The following SCN4A variants were observed in gnomAD, a reference collection of about 807,000 sequenced individuals.
SCN4A encodes sodium voltage-gated channel alpha subunit 4.
A neutral mutation model predicts 162.0 loss-of-function variants in SCN4A; 83 were observed. That is an observed-to-expected ratio of 0.51 (90% confidence interval 0.43 to 0.61). The LOEUF is 0.61. Ranked by LOEUF, SCN4A falls within the 20% of genes least tolerant of loss-of-function variation. The pLI is 0.00. For missense variants in SCN4A, 2,196 were observed against 2,462.5 expected (o/e 0.89, Z 2.29); for synonymous variants, 944 against 985.1 (o/e 0.96, Z 0.78).
Position 63,951,396 on chromosome 17 carries a change from G to A in SCN4A, c.2853+28C>T. On this transcript the variant is annotated intron_variant, in intron 14 of 23. Transcript: ENST00000435607. The surrounding 1 kb of genome is among the most constrained non-coding windows in gnomAD (Gnocchi z 4.5). ...AGGTCACAGGAGAATTTGAAGCCGG[G>A]TCTGTCTGAGCCCCAGCCCCGGCTC... 6.8e-7 allele frequency: 1 copy of A among 1,478,712 alleles called. No individual in the cohort carries two copies. Among genetic ancestry groups the A allele is most frequent in the Non-Finnish European group, 9.2e-7 (1 of 1,090,372 alleles). The allele number at this position is 1,478,712 out of a possible 1,614,324, so 91.6% of individuals were successfully genotyped here. A position where few individuals can be genotyped will look rare whatever the true frequency, so the allele number is the denominator to read the frequency against.
rs1198560288 is a variant in SCN4A at position 63,947,068 on chromosome 17, G to A, written c.3418C>T (p.Leu1140=). ...ACCCTCATGCCCTCGAATCGGGACA[G>A]TGCCCTCAGGGGACGCAGGGCCCGC... is the stretch of plus-strand genomic sequence containing the variant. ...TLRALRPLRA[L]SRFEGMRVVV... The change falls in exon 18 of 24, where the codon CTG becomes TTG. Residue 1140 remains leucine (L), a synonymous_variant. Coordinates refer to ENST00000435607, the MANE Select transcript of SCN4A (RefSeq NM_000334.4). 7.0e-7 allele frequency: 1 copy of A among 1,430,196 alleles called. No homozygotes were observed. Among genetic ancestry groups the A allele is most frequent in the Non-Finnish European group, 9.4e-7 (1 of 1,064,356 alleles). The allele number at this position is 1,430,196 out of a possible 1,614,324, so 88.6% of individuals were successfully genotyped here.
intron 13 of SCN4A, among the ~76,000 whole-genome samples, chr17:63,952,212 G>A (rs970993121): frequency 6.8e-6 from 1 of 147,922 alleles, no homozygotes; most frequent in African/African-American, 2.5e-5. Context: ...TTTTTTTTTC[G>A]AGATGGAGGA....
rs863225046 is a variant in SCN4A, at chr17:63,941,912, C to T, written c.4370G>A (p.Arg1457His). ...FRVIRLARIG[R>H]VLRLIRGAKG... The stretch of plus-strand genomic sequence containing the variant: ...GGCCCCGCGGATCAGCCGCAGGACA[C>T]GCCCAATCCGCGCCAGGCGGATCAC... Residue 1457 changes from arginine to histidine, a missense_variant, in exon 24 of 24, where the codon CGT becomes CAT. Physicochemically the swap from Arg to His is conservative, Grantham distance 29 (BLOSUM62 0). Transcript: ENST00000435607. The surrounding 1 kb of genome is among the most constrained non-coding windows in gnomAD (Gnocchi z 6.2). 7 of 1,611,702 alleles carry T rather than the reference C, an allele frequency of 4.3e-6. No individual in the cohort carries two copies. Among genetic ancestry groups the T allele is most frequent in the East Asian group, 2.2e-5 (1 of 44,838 alleles).
At chr17:63,961,495 C>T in intron 10 of SCN4A, 64 bp from the exon 11 acceptor site, 1 of 1,236,480 alleles carries the variant, frequency 8.1e-7, no homozygotes, top group African/African-American at 1.5e-5. Context: ...CCGGCTCCAG[C>T]TAGAGCTTTT....
In SCN4A at chr17:63,972,754, G is replaced by C; in HGVS notation, c.88C>G (p.Gln30Glu). The C allele has an allele frequency of 1.9e-6, 3 of 1,613,784 alleles. No individual in the cohort carries two copies. The highest frequency in any genetic ancestry group is 2.5e-6 in the Non-Finnish European group (3 of 1,179,824). ...CGGGCCTCCTCCTCCACCGCCCGCT[G>C]TTCTATGGCTGCCAGTGACTCCCGG... ...FTRESLAAIEQRAVEEEARLQ... is the reference protein window; with the variant it reads ...FTRESLAAIEERAVEEEARLQ... The change falls in exon 1 of 24, where the codon CAG becomes GAG. Residue 30 changes from glutamine (Q) to glutamate (E), a missense_variant. By Grantham distance (29) the Gln-to-Glu change is conservative (BLOSUM62 2). Coordinates refer to ENST00000435607, the MANE Select transcript of SCN4A (RefSeq NM_000334.4). The surrounding 1 kb of genome is among the most constrained non-coding windows in gnomAD (Gnocchi z 4.3).
intron 9 of SCN4A, 144 bp from the exon 10 acceptor site, chr17:63,963,969 G>GGTT: frequency 1.4e-6 from 1 of 737,984 alleles, no homozygotes; most frequent in Non-Finnish European, 2.1e-6. Context: ...AGGTGGGGGA[G>GGTT]GGACCAACCT....
rs559532979 is a variant in SCN4A, at chr17:63,954,516, C to T, written c.2377-2616G>A. ...GGGGGAAGGGAGGAGGGGAGGGGGC[C>T]GACATCAATTTCCCTGGGGGTTCTG... On this transcript the variant is annotated intron_variant, in intron 13 of 23. Coordinates refer to ENST00000435607, the MANE Select transcript of SCN4A (RefSeq NM_000334.4). 1.1e-3 allele frequency among the ~76,000 whole-genome samples: 171 copies of T among 152,162 alleles called. 8 individuals carry two copies. In the South Asian group the frequency reaches 0.034, roughly 31 times the overall value.
In SCN4A at chr17:63,947,953, C is replaced by T. The variant is rs748420654; in HGVS notation, c.3255G>A (p.Val1085=). The T allele has an allele frequency of 1.2e-6, 2 of 1,614,040 alleles. No individual in the cohort carries two copies. The highest frequency in any genetic ancestry group is 2.2e-5 in the East Asian group (1 of 44,886). The change falls in exon 17 of 24, where the codon GTG becomes GTA. Residue 1085 remains valine (V), a synonymous_variant. Transcript: ENST00000435607. Reference sequence around the variant, plus strand: ...TGAAGTACACCTTAAAGCCGTAGGCCACCCATTTGAGCAGCATCTCCATGA... The same window carrying T: ...TGAAGTACACCTTAAAGCCGTAGGCTACCCATTTGAGCAGCATCTCCATGA... ...IFIMEMLLKW[V]AYGFKVYFTN...
At chr17:63,967,164 T>G (rs1050950888) in intron 6 of SCN4A, among the ~76,000 whole-genome samples, 2 of 152,056 alleles carry the variant, frequency 1.3e-5, no homozygotes, top group Non-Finnish European at 2.9e-5. Flanking sequence ...AGGATTTTTT[T>G]TTTTTTAGAC....
rs1207389460 is a variant in SCN4A, at chr17:63,943,804, T to C, written c.3959A>G (p.Tyr1320Cys). Residue 1320 changes from tyrosine to cysteine, a missense_variant, in exon 22 of 24, where the codon TAT (tyrosine) becomes TGT (cysteine). Coordinates refer to ENST00000435607, the MANE Select transcript of SCN4A (RefSeq NM_000334.4). ...IFMTEEQKKY[Y>C]NAMKKLGSKK... ...GGAGCCAAGCTTCTTCATGGCGTTATAGTATTTCTTCTGTTCCTCCGTCAT... is the reference window on the plus strand; with the variant it reads ...GGAGCCAAGCTTCTTCATGGCGTTACAGTATTTCTTCTGTTCCTCCGTCAT... 1 of 1,613,488 alleles carries C rather than the reference T, an allele frequency of 6.2e-7. No homozygotes were observed. Among genetic ancestry groups the C allele is most frequent in the Admixed American group, 1.7e-5 (1 of 60,006 alleles).
Position 63,972,626 on chromosome 17 carries a change from C to T in SCN4A, c.216G>A (p.Pro72=), listed in dbSNP as rs768591136. The T allele has an allele frequency of 8.1e-6, 13 of 1,608,208 alleles. No individual in the cohort carries two copies. The highest frequency in any genetic ancestry group is 3.3e-5 in the South Asian group (3 of 90,148). Residue 72 remains proline (P), a synonymous_variant, in exon 1 of 24, where the codon CCG becomes CCA. Transcript: ENST00000435607. This position sits in a 1 kb window ranked among gnomAD's most constrained non-coding sequence, Gnocchi z 4.3. ...CCAGGGGGATGCCGATGACCTCCGG[C>T]GGGGGGTCTCCGTAGATCATGGGTA... ...KNLPMIYGDP[P]PEVIGIPLED... is the part of the protein sequence containing the mutation.
chr17:63,948,159 T>C, intron 16 of SCN4A, 96 bp from the exon 17 acceptor site: 1 of 1,023,328 alleles, frequency 9.8e-7, no homozygotes, highest in Non-Finnish European at 1.4e-6. Context: ...TTCCCGGGGG[T>C]CTGCCGTGGG....
chr17:63,941,490 G>T lies in SCN4A; in HGVS notation c.4792C>A (p.Leu1598Met). Reference protein sequence around the residue: ...IVVNMYIAIILENFNVATEES... With the variant: ...IVVNMYIAIIMENFNVATEES... ...TCTGTGGCCACATTGAAGTTCTCCA[G>T]GATGATGGCGATGTACATGTTGACC... The change falls in exon 24 of 24, where the codon CTG becomes ATG. Residue 1598 changes from leucine (L) to methionine (M), a missense_variant. Coordinates refer to ENST00000435607, the MANE Select transcript of SCN4A (RefSeq NM_000334.4). The surrounding 1 kb of genome is among the most constrained non-coding windows in gnomAD (Gnocchi z 6.2). 3 of 1,614,144 alleles carry T rather than the reference G, an allele frequency of 1.9e-6. No homozygotes were observed. In the East Asian group the frequency reaches 6.7e-5, roughly 36 times the overall value.
At position 63,961,175 on chromosome 17, in the gene SCN4A, T is replaced by TC; in HGVS notation, c.1845+17dup. On this transcript the variant is annotated intron_variant, in intron 11 of 23. Transcript: ENST00000435607. ...CCCATCCTGCCCATGAATGATCCCC[T>TC]CCCCCGCCCCTCCCTACCAGGTTGC... The TC allele has an allele frequency of 7.7e-5, 23 of 298,146 alleles. No homozygotes were observed. The highest frequency in any genetic ancestry group is 8.8e-5 in the Non-Finnish European group (13 of 147,984). The allele number at this position is 298,146 out of a possible 1,614,324, so 18.5% of individuals were successfully genotyped here.
intron 8 of SCN4A, among the ~76,000 whole-genome samples, chr17:63,965,782 C>T (rs1241998283): frequency 2.0e-5 from 3 of 152,226 alleles, no homozygotes; most frequent in East Asian, 1.9e-4. Flanking sequence ...CCACCGCGCC[C>T]GGCAGGCAGC....
chr17:63,944,859 C>G lies in SCN4A; in HGVS notation c.3775-49G>C, dbSNP rs763229352. The G allele has an allele frequency of 1.2e-6, 2 of 1,605,810 alleles. No homozygotes were observed. Among genetic ancestry groups the G allele is most frequent in the Non-Finnish European group, 1.7e-6 (2 of 1,175,626 alleles). ...GGCGTGGGTTTGCACGCTGGCTTCT[C>G]CCTGCCCCCCACAGCCCTGAGGGCA... On this transcript the variant is annotated intron_variant, in intron 20 of 23. Transcript: ENST00000435607. The surrounding 1 kb of genome is among the most constrained non-coding windows in gnomAD (Gnocchi z 4.3).
At chr17:63,943,663 A>C (rs980524742) in intron 22 of SCN4A, 83 bp downstream of exon 22, 2 of 844,436 alleles carry the variant, frequency 2.4e-6, no homozygotes, top group Non-Finnish European at 3.9e-6. Context: ...GGTGGGTGGA[A>C]GGCAGGAAAC....
chr17:63,948,054 C>A lies in SCN4A; in HGVS notation c.3154G>T (p.Asp1052Tyr). ...ACTCGCCGCTGCTCAATGTAGATGTCCTCGAAGGCCTGGGGGCACCAGCAC... is the reference window on the plus strand; with the variant it reads ...ACTCGCCGCTGCTCAATGTAGATGTACTCGAAGGCCTGGGGGCACCAGCAC... The part of the protein sequence containing the change: ...LLSSGALAFE[D>Y]IYIEQRRVIR... Residue 1052 changes from aspartate to tyrosine, a missense_variant, in exon 17 of 24, where the codon GAC becomes TAC. Coordinates refer to ENST00000435607, the MANE Select transcript of SCN4A (RefSeq NM_000334.4). The A allele has an allele frequency of 6.3e-7, 1 of 1,598,958 alleles. No individual in the cohort carries two copies. Among genetic ancestry groups the A allele is most frequent in the Non-Finnish European group, 8.6e-7 (1 of 1,168,844 alleles).
rs758698785 is a variant in SCN4A at position 63,940,855 on chromosome 17, G to A, written c.5427C>T (p.Pro1809=). The A allele has an allele frequency of 6.2e-7, 1 of 1,612,854 alleles. No homozygotes were observed. Among genetic ancestry groups the A allele is most frequent in the Non-Finnish European group, 8.5e-7 (1 of 1,179,270 alleles). Residue 1809 remains proline, a synonymous_variant, in exon 24 of 24, where the codon CCC becomes CCT. Coordinates refer to ENST00000435607, the MANE Select transcript of SCN4A (RefSeq NM_000334.4). ...GDAGPTMGLM[P]ISPSDTAWPP... is the part of the protein sequence containing the mutation. ...GCCAGGCAGTGTCTGAGGGGCTGAT[G>A]GGCATCAGCCCCATAGTGGGTCCGG...
Sources: allele counts gnomAD v4.1 joint callset (sites outside exome capture counted in the v4.1 genomes callset), GRCh38; gene constraint gnomAD v4.1.1; non-coding constraint Gnocchi (gnomAD v3.1); transcripts MANE v1.5; gene names NCBI Gene and HGNC (gene_info 2026-07-23, HGNC 2026-07-21).